Variants in SPHKAP observed in about 807,000 individuals in gnomAD.
SPHKAP encodes the protein SPHK1 interactor, AKAP domain containing.
Under a neutral mutation model 137.5 loss-of-function variants are expected in SPHKAP, and 67 were observed. That is an observed-to-expected ratio of 0.49 (90% CI 0.40 to 0.60). The LOEUF is 0.60. SPHKAP is among the 20% of genes least tolerant of loss of function. The pLI is 0.00. For synonymous variants in SPHKAP, 813 were observed against 785.3 expected (o/e 1.04, Z -0.59); for missense variants, 2,097 against 2,069.3 (o/e 1.01, Z -0.26).
chr2:228,006,501 C>T (rs1224144205), intron 7 of SPHKAP, among the ~76,000 whole-genome samples: 1 of 152,134 alleles, frequency 6.6e-6, no homozygotes, highest in Non-Finnish European at 1.5e-5. Flanking sequence ...TCCTTTAGCT[C>T]GGAGAAGTTT....
rs747969072 is a variant in SPHKAP at position 227,991,038 on chromosome 2, T to C, written c.4921A>G (p.Ile1641Val). 1.9e-6 allele frequency: 3 copies of C among 1,614,204 alleles called. No individual in the cohort carries two copies. The highest frequency in any genetic ancestry group is 2.5e-6 in the Non-Finnish European group (3 of 1,180,014). ...TTTTCCTGAGATTTCTTAAAGTAGA[T>C]GGTGGGAATCCCCAGTTCAGAGGCA... ...IAASELGIPTIYFKKSQENRI... is the reference protein window; with the variant it reads ...IAASELGIPTVYFKKSQENRI... The change falls in exon 11 of 12, where the codon ATC (isoleucine) becomes GTC (valine). Residue 1641 changes from isoleucine to valine, a missense_variant. By Grantham distance (29) the Ile-to-Val change is conservative. Coordinates refer to ENST00000392056, the MANE Select transcript of SPHKAP (RefSeq NM_001142644.2).
intron 3 of SPHKAP, among the ~76,000 whole-genome samples, chr2:228,046,157 T>C (rs2106265668): frequency 6.6e-6 from 1 of 152,260 alleles, no homozygotes; most frequent in South Asian, 2.1e-4. Context: ...ACACAATGTA[T>C]ACATAGGTCA....
Position 228,019,610 on chromosome 2 carries a change from G to A in SPHKAP, c.1244C>T (p.Pro415Leu). The change falls in exon 7 of 12, where the codon CCC becomes CTC. Residue 415 changes from proline to leucine, a missense_variant. Transcript: ENST00000392056. The part of the protein sequence containing the change: ...IRLSQSQSTL[P>L]QESAVSVSVG... ...AGAAACACTGACTGCAGATTCCTGGGGTAATGTGGACTGAGATTGAGATAA... is the reference window on the plus strand; with the variant it reads ...AGAAACACTGACTGCAGATTCCTGGAGTAATGTGGACTGAGATTGAGATAA... The A allele has an allele frequency of 6.2e-7, 1 of 1,614,078 alleles. No individual in the cohort carries two copies. The highest frequency in any genetic ancestry group is 1.3e-5 in the African/African-American group (1 of 75,032).
intron 11 of SPHKAP, among the ~76,000 whole-genome samples, chr2:227,984,514 C>A (rs938652986): frequency 3.9e-5 from 6 of 151,930 alleles, no homozygotes; most frequent in African/African-American, 1.5e-4. Context: ...TATGGAGATA[C>A]ATAAAAATAA....
intron 3 of SPHKAP, among the ~76,000 whole-genome samples, chr2:228,032,092 G>C (rs1336293868): frequency 6.6e-6 from 1 of 152,244 alleles, no homozygotes. Context: ...CCGAACTACA[G>C]GAGGAAATTC....
intron 3 of SPHKAP, among the ~76,000 whole-genome samples, chr2:228,068,907 G>T (rs1696914800): frequency 6.6e-6 from 1 of 152,188 alleles, no homozygotes; most frequent in Non-Finnish European, 1.5e-5. Flanking sequence ...GTGGTGAGTA[G>T]GTTTTTCTAA....
At chr2:228,178,659 AT>A (rs1206464330) in intron 1 of SPHKAP, among the ~76,000 whole-genome samples, 1 of 150,864 alleles carries the variant, frequency 6.6e-6, no homozygotes. Context: ...TCCCTCTTAA[AT>A]TTTTTTTTTC....
chr2:228,108,138 C>T (rs1487760269), intron 3 of SPHKAP, among the ~76,000 whole-genome samples: 1 of 152,166 alleles, frequency 6.6e-6, no homozygotes, highest in Non-Finnish European at 1.5e-5. Context: ...TTTTTCTCCT[C>T]TTTGGAAACA....
chr2:228,027,990 AAG>A, intron 3 of SPHKAP: 2 of 983,242 alleles, frequency 2.0e-6, no homozygotes, highest in Non-Finnish European at 2.4e-6. Context: ...AAAAGAAAAA[AAG>A]AAATAGTAAT....
chr2:228,025,615 C>T (rs528720844), intron 4 of SPHKAP, 87 bp from the exon 5 acceptor site: 7 of 1,471,384 alleles, frequency 4.8e-6, no homozygotes, highest in East Asian at 4.6e-5. Context: ...AAATAATACT[C>T]ATAACTGCTC....
At chr2:228,001,629 T>C (rs1693905704) in intron 7 of SPHKAP, among the ~76,000 whole-genome samples, 1 of 151,026 alleles carries the variant, frequency 6.6e-6, no homozygotes, top group East Asian at 1.9e-4. Context: ...TGCAGGTTTG[T>C]TACATATGTA....
At chr2:227,987,579 G>A (rs1693258209) in intron 11 of SPHKAP, among the ~76,000 whole-genome samples, 1 of 152,220 alleles carries the variant, frequency 6.6e-6, no homozygotes, top group Non-Finnish European at 1.5e-5. Flanking sequence ...ACAAGTGAAA[G>A]GGAAAATTTG....
intron 2 of SPHKAP, among the ~76,000 whole-genome samples, chr2:228,125,145 A>G (rs954184546): frequency 1.3e-5 from 2 of 152,114 alleles, no homozygotes; most frequent in Non-Finnish European, 2.9e-5. Context: ...CCAGGTGTTG[A>G]TTTTTCTCCA....
At chr2:228,092,414 TAC>T (rs139595271) in intron 3 of SPHKAP, among the ~76,000 whole-genome samples, 15,566 of 91,748 alleles carry the variant, frequency 0.17, 1,920 homozygotes, top group East Asian at 0.29. Context: ...TACACATATA[TAC>T]ATATATACAT....
chr2:228,021,202 T>G (rs946600882), intron 6 of SPHKAP, among the ~76,000 whole-genome samples: 2 of 152,200 alleles, frequency 1.3e-5, no homozygotes, highest in African/African-American at 2.4e-5. Flanking sequence ...GGATTATCTC[T>G]TTCTGTCTTC....
chr2:228,071,070 AC>A (rs2106301317), intron 3 of SPHKAP, among the ~76,000 whole-genome samples: 1 of 152,240 alleles, frequency 6.6e-6, no homozygotes, highest in South Asian at 2.1e-4. Flanking sequence ...CATTGTCTAC[AC>A]CTTCTTCTTG....
rs549105334 is a variant in SPHKAP, at chr2:228,018,422, T to G, written c.2432A>C (p.Gln811Pro). 1.3e-4 allele frequency: 209 copies of G among 1,614,062 alleles called. 3 individuals carry two copies. In the South Asian group the frequency reaches 2.2e-3, roughly 17 times the overall value. Residue 811 changes from glutamine to proline, a missense_variant, in exon 7 of 12, where the codon CAG (glutamine) becomes CCG (proline). Transcript: ENST00000392056. ...RPGLFKNPTL[Q>P]SQLSRSHRVP... is the part of the protein sequence containing the mutation. ...TCTGTGACTACGTGATAATTGTGAC[T>G]GCAGCGTGGGGTTCTTGAAGAGGCC...
chr2:228,102,594 C>T (rs1488108187), intron 3 of SPHKAP, among the ~76,000 whole-genome samples: 2 of 151,936 alleles, frequency 1.3e-5, no homozygotes, highest in Non-Finnish European at 2.9e-5. Context: ...TTTCAGGATC[C>T]AAGATGTTGA....
intron 11 of SPHKAP, among the ~76,000 whole-genome samples, chr2:227,989,704 C>T (rs1693341173): frequency 6.6e-6 from 1 of 151,882 alleles, no homozygotes; most frequent in South Asian, 2.1e-4. Flanking sequence ...TTCCTGGGTT[C>T]AAGCGATTCT....
Sources: allele counts gnomAD v4.1 joint callset (sites outside exome capture counted in the v4.1 genomes callset), GRCh38; gene constraint gnomAD v4.1.1; transcripts MANE v1.5; gene names NCBI Gene and HGNC (gene_info 2026-07-23, HGNC 2026-07-21).